MALRD1: variants seen among roughly 807,000 people sequenced by gnomAD.
MALRD1 encodes the protein MAM and LDL-receptor class A domain-containing protein 1.
MALRD1 carries 247 observed loss-of-function variants against 242.1 expected under a neutral mutation model. The observed-to-expected ratio is 1.02, with a 90% CI of 0.92 to 1.13. MALRD1 has a LOEUF of 1.13. Ranked by LOEUF, MALRD1 falls within the 50% of genes most tolerant of loss-of-function variation. The pLI is 0.00. For missense variants in MALRD1, 2,989 were observed against 2,533.1 expected (o/e 1.18, Z -3.86); for synonymous variants, 995 against 866.6 (o/e 1.15, Z -2.60).
rs576264676 is a variant in MALRD1, at chr10:19,341,502, GTA to G, written c.3902-6261_3902-6260del. On this transcript the variant is annotated intron_variant, in intron 24 of 39. Coordinates refer to ENST00000454679, the MANE Select transcript of MALRD1 (RefSeq NM_001142308.3). Reference sequence around the variant, plus strand: ...TATATGTGTATATATATGTATATATGTATATATATGTGTGTATATATGTATAT... The same window carrying G: ...TATATGTGTATATATATGTATATATGTATATATGTGTGTATATATGTATAT... Among the ~76,000 whole-genome samples, 331 of 116,830 alleles carry G rather than the reference GTA, an allele frequency of 2.8e-3. 1 individual carries two copies. Among genetic ancestry groups the G allele is most frequent in the Admixed American group, 4.6e-3 (57 of 12,322 alleles). The allele number at this position is 116,830 out of a possible 152,430, so 76.6% of individuals were successfully genotyped here.
intron 18 of MALRD1, among the ~76,000 whole-genome samples, chr10:19,247,071 C>T (rs962555618): frequency 3.3e-5 from 5 of 151,948 alleles, no homozygotes; most frequent in African/African-American, 9.7e-5. Context: ...AAAACTTTGA[C>T]GAAACATATA....
At chr10:19,646,078 T>C (rs937742126) in intron 36 of MALRD1, among the ~76,000 whole-genome samples, 4 of 152,148 alleles carry the variant, frequency 2.6e-5, no homozygotes, top group Non-Finnish European at 2.9e-5. Flanking sequence ...GGATAAAGTT[T>C]TTTCAAAAAT....
At chr10:19,592,051 A>T (rs3904897) in intron 33 of MALRD1, among the ~76,000 whole-genome samples, 84,536 of 152,058 alleles carry the variant, frequency 0.56, 23,875 homozygotes, top group African/African-American at 0.67. Context: ...AGTCATGTTC[A>T]CCCTACATCA....
At chr10:19,424,096 G>C (rs1040616812) in intron 28 of MALRD1, among the ~76,000 whole-genome samples, 3 of 152,058 alleles carry the variant, frequency 2.0e-5, no homozygotes, top group African/African-American at 7.2e-5. Flanking sequence ...CCAAGAGTTT[G>C]GAAATCTAGC....
At chr10:19,511,723 A>AT (rs2131290033) in intron 31 of MALRD1, among the ~76,000 whole-genome samples, 1 of 152,332 alleles carries the variant, frequency 6.6e-6, no homozygotes, top group African/African-American at 2.4e-5. Flanking sequence ...CTCTAAGATC[A>AT]TGTAGGGATA....
intron 38 of MALRD1, chr10:19,722,619 A>AAAAAAAAAAAAAAAAAAAAAT (rs57292963): frequency 6.9e-6 from 1 of 144,556 alleles, no homozygotes. Context: ...AAAAAAAAAA[A>AAAAAAAAAAAAAAAAAAAAAT]GGTGGAAAAA....
At chr10:19,417,302 A>G (rs1261894578) in intron 28 of MALRD1, among the ~76,000 whole-genome samples, 1 of 152,216 alleles carries the variant, frequency 6.6e-6, no homozygotes, top group East Asian at 1.9e-4. Flanking sequence ...CAATAAATTT[A>G]GCATACCAAA....
rs528100423 is a variant in MALRD1 at position 19,645,319 on chromosome 10, G to T, written c.6137+29396G>T. On this transcript the variant is annotated intron_variant, in intron 36 of 39. Transcript: ENST00000454679. ...TTCAACCATTGTGGAAGTCAGTGTGGTGATTCCTCAGGGGTCTAGAACTAG... is the reference window on the plus strand; with the variant it reads ...TTCAACCATTGTGGAAGTCAGTGTGTTGATTCCTCAGGGGTCTAGAACTAG... 2.6e-5 allele frequency among the ~76,000 whole-genome samples: 4 copies of T among 152,310 alleles called. No homozygotes were observed. In the East Asian group the frequency reaches 7.7e-4, roughly 29 times the overall value.
Position 19,220,240 on chromosome 10 carries a change from T to G in MALRD1, c.2991+10560T>G, listed in dbSNP as rs201287961. Among the ~76,000 whole-genome samples the G allele has an allele frequency of 3.3e-5, 5 of 152,222 alleles. No individual in the cohort carries two copies. In the East Asian group the frequency reaches 7.7e-4, roughly 24 times the overall value. ...GAAAAATCAAGACAGCAAAATAATT[T>G]GTTATAGAATAGCCTATGTAGAGGG... On this transcript the variant is annotated intron_variant, in intron 18 of 39. Coordinates refer to ENST00000454679, the MANE Select transcript of MALRD1 (RefSeq NM_001142308.3).
chr10:19,607,760 T>A lies in MALRD1; in HGVS notation c.5945-17T>A. ...ATCATGCTGGCATCCCTGATCATTA[T>A]TCTTTTTTTTTTGCAGCCAACAAAA... is the stretch of plus-strand genomic sequence containing the variant. On this transcript the variant is annotated splice_polypyrimidine_tract_variant and intron_variant, in intron 34 of 39. Transcript: ENST00000454679. 1 of 1,544,854 alleles carries A rather than the reference T, an allele frequency of 6.5e-7. No homozygotes were observed. The highest frequency in any genetic ancestry group is 8.7e-7 in the Non-Finnish European group (1 of 1,145,004).
At chr10:19,365,444 G>T (rs1845065152) in intron 26 of MALRD1, among the ~76,000 whole-genome samples, 1 of 151,750 alleles carries the variant, frequency 6.6e-6, no homozygotes. Flanking sequence ...ACTGTCTCTT[G>T]GTTTCTAATT....
chr10:19,485,023 G>A (rs984198367), intron 29 of MALRD1, among the ~76,000 whole-genome samples: 10 of 152,178 alleles, frequency 6.6e-5, no homozygotes, highest in African/African-American at 2.4e-4. Flanking sequence ...GTCTTTTGCA[G>A]CAACTTGGAT....
chr10:19,397,892 C>T (rs1432847023), intron 28 of MALRD1, among the ~76,000 whole-genome samples: 2 of 151,666 alleles, frequency 1.3e-5, no homozygotes, highest in Non-Finnish European at 2.9e-5. Context: ...ATTTGTATTT[C>T]CCTGATGATT....
rs545979080 is a variant in MALRD1 at position 19,732,167 on chromosome 10, T to C, written c.6390+1386T>C. On this transcript the variant is annotated intron_variant, in intron 39 of 39. Transcript: ENST00000454679. ...CCTACTTCATGGATAAAAAAACACA[T>C]ACACATTTAAGAAAACAAATGTAAT... Among the ~76,000 whole-genome samples, 11 of 152,278 alleles carry C rather than the reference T, an allele frequency of 7.2e-5. No individual in the cohort carries two copies. The East Asian group carries it at 2.1e-3, about 29-fold the overall frequency.
chr10:19,666,426 T>A (rs1298746407), intron 36 of MALRD1, among the ~76,000 whole-genome samples: 1 of 152,198 alleles, frequency 6.6e-6, no homozygotes, highest in African/African-American at 2.4e-5. Context: ...TACTAGGCTA[T>A]GGAATCAGTC....
At chr10:19,635,923 C>T (rs938104937) in intron 36 of MALRD1, among the ~76,000 whole-genome samples, 35 of 149,666 alleles carry the variant, frequency 2.3e-4, no homozygotes, top group African/African-American at 7.1e-4. Flanking sequence ...TTTTTTGAAA[C>T]GCAGCGTCAC....
intron 32 of MALRD1, among the ~76,000 whole-genome samples, chr10:19,535,668 GTTTAT>G (rs528268089): frequency 1.1e-3 from 168 of 151,776 alleles, no homozygotes; most frequent in African/African-American, 3.9e-3. Flanking sequence ...AGATGAAAAA[GTTTAT>G]TTTAATATTT....
Position 19,200,134 on chromosome 10 carries a change from A to G in MALRD1, c.1952-3594A>G, listed in dbSNP as rs552446513. On this transcript the variant is annotated intron_variant, in intron 14 of 39. Transcript: ENST00000454679. ...CTGAGTGAGACTGTCTCAAAAAAGA[A>G]TAATAAAATAAAACAGGGACAATAA... is the stretch of plus-strand genomic sequence containing the variant. Among the ~76,000 whole-genome samples, 3 of 152,310 alleles carry G rather than the reference A, an allele frequency of 2.0e-5. No homozygotes were observed. The South Asian group carries it at 6.2e-4, about 32-fold the overall frequency.
intron 27 of MALRD1, among the ~76,000 whole-genome samples, chr10:19,388,605 G>A (rs1008543735): frequency 6.6e-6 from 1 of 152,154 alleles, no homozygotes. Context: ...AGAGAAAAGA[G>A]TTTGAAACCT....
Sources: gnomAD v4.1 joint callset for allele counts (sites outside exome capture counted in the v4.1 genomes callset) on GRCh38, gnomAD v4.1.1 for gene constraint, MANE v1.5 for transcripts, NCBI Gene and HGNC (gene_info 2026-07-23, HGNC 2026-07-21) for gene names.